SGK3: variants seen among roughly 807,000 people sequenced by gnomAD.
SGK3 encodes serum/glucocorticoid regulated kinase family member 3.
SGK3 carries 47 observed loss-of-function variants against 68.5 expected under a neutral mutation model. The ratio of observed to expected loss-of-function variants is 0.69; its 90% confidence interval spans 0.54 to 0.87. The LOEUF is 0.87. Ranked by LOEUF, SGK3 falls within the 40% of genes least tolerant of loss-of-function variation. SGK3 has a pLI of 0.00. For missense variants in SGK3, 479 were observed against 575.5 expected (o/e 0.83, Z 1.72); for synonymous variants, 181 against 189.1 (o/e 0.96, Z 0.35).
chr8:66,796,168 C>T (rs6472286), intron 2 of SGK3, among the ~76,000 whole-genome samples: 11 of 151,430 alleles, frequency 7.3e-5, no homozygotes, highest in East Asian at 5.8e-4. Context: ...GACAGAATCT[C>T]GCTCTGTCGC....
At chr8:66,826,891 C>T (rs1211060737) in intron 6 of SGK3, among the ~76,000 whole-genome samples, 3 of 151,880 alleles carry the variant, frequency 2.0e-5, no homozygotes, top group Non-Finnish European at 2.9e-5. Flanking sequence ...ATGATCCACT[C>T]GCCTTGGCCT....
At position 66,715,319 on chromosome 8, in the gene SGK3, G is replaced by C. The variant is rs189436467; in HGVS notation, c.-122+2486G>C. Among the ~76,000 whole-genome samples the C allele has an allele frequency of 5.0e-3, 759 of 151,722 alleles. 8 individuals carry two copies. Among genetic ancestry groups the C allele is most frequent in the Non-Finnish European group, 6.2e-3 (420 of 67,944 alleles). On this transcript the variant is annotated intron_variant, in intron 1 of 16. Transcript: ENST00000521198. ...GTTGCCCAGGCTGGAGTGCAATGGC[G>C]CAGCCTAGGCTCACTGCAACCTCCG...
intron 4 of SGK3, among the ~76,000 whole-genome samples, chr8:66,809,197 T>G (rs1483305481): frequency 1.3e-5 from 2 of 152,212 alleles, no homozygotes; most frequent in Non-Finnish European, 2.9e-5. Flanking sequence ...AAAAATATTT[T>G]CTAGCACTCT....
intron 6 of SGK3, among the ~76,000 whole-genome samples, chr8:66,823,388 G>GT (rs200290622): frequency 0.14 from 18,723 of 134,788 alleles, 1,566 homozygotes; most frequent in African/African-American, 0.26. Flanking sequence ...GGGTAGCCTT[G>GT]TTTTTTTTTT....
chr8:66,713,752 T>C (rs1251626475), intron 1 of SGK3, among the ~76,000 whole-genome samples: 1 of 152,196 alleles, frequency 6.6e-6, no homozygotes, highest in African/African-American at 2.4e-5. Context: ...TCTTAACTTA[T>C]CATATTATAG....
intron 1 of SGK3, among the ~76,000 whole-genome samples, chr8:66,773,024 C>T (rs1460987497): frequency 6.6e-6 from 1 of 152,194 alleles, no homozygotes; most frequent in Non-Finnish European, 1.5e-5. Flanking sequence ...TGCATACAGA[C>T]ATCCCTGAGC....
At chr8:66,802,031 C>A (rs1807965061) in intron 3 of SGK3, among the ~76,000 whole-genome samples, 1 of 152,130 alleles carries the variant, frequency 6.6e-6, no homozygotes, top group South Asian at 2.1e-4. Context: ...AGAAGAGTTT[C>A]CTTAACTTGT....
At chr8:66,746,231 G>C (rs180770244) in intron 1 of SGK3, among the ~76,000 whole-genome samples, 124 of 152,270 alleles carry the variant, frequency 8.1e-4, no homozygotes, top group Middle Eastern at 6.8e-3. Flanking sequence ...TCCAACCTCT[G>C]CCTGTTCTCC....
chr8:66,844,527 T>C (rs1364948449), intron 14 of SGK3, among the ~76,000 whole-genome samples: 1 of 152,222 alleles, frequency 6.6e-6, no homozygotes, highest in African/African-American at 2.4e-5. Context: ...GCATTTTAGT[T>C]AGCTCAGATA....
At position 66,847,351 on chromosome 8, in the gene SGK3, A is replaced by G. The variant is rs778680818; in HGVS notation, c.1230+3A>G. ...GACTTGGTGCCAAGGAAGACTTTGT[A>G]TGTAACAGCTTTTCTAGCTCCAGCT... On this transcript the variant is annotated splice_donor_region_variant and intron_variant, in intron 15 of 16. Coordinates refer to ENST00000521198, the MANE Select transcript of SGK3 (RefSeq NM_001033578.3). 6.2e-6 allele frequency: 10 copies of G among 1,610,634 alleles called. No individual in the cohort carries two copies. In the East Asian group the frequency reaches 1.3e-4, roughly 22 times the overall value.
intron 1 of SGK3, among the ~76,000 whole-genome samples, chr8:66,770,463 A>G (rs1477284369): frequency 6.6e-6 from 1 of 152,076 alleles, no homozygotes; most frequent in Non-Finnish European, 1.5e-5. Context: ...CAATCCTTTC[A>G]GATTTTACTT....
At position 66,798,595 on chromosome 8, in the gene SGK3, A is replaced by G; in HGVS notation, c.150A>G (p.Arg50=). 1 of 1,611,322 alleles carries G rather than the reference A, an allele frequency of 6.2e-7. No homozygotes were observed. The highest frequency in any genetic ancestry group is 8.5e-7 in the Non-Finnish European group (1 of 1,178,598). ...GAAGTGAATGGTTTGTCTTCAGGAGATATGCAGAGTTTGATAAACTTTATA... is the reference window on the plus strand; with the variant it reads ...GAAGTGAATGGTTTGTCTTCAGGAGGTATGCAGAGTTTGATAAACTTTATA... ...VGRSEWFVFR[R]YAEFDKLYNT... is the part of the protein sequence containing the mutation. Residue 50 remains arginine (R), a synonymous_variant, in exon 3 of 17, where the codon AGA becomes AGG. Transcript: ENST00000521198.
At chr8:66,827,677 T>C (rs544405874) in intron 6 of SGK3, among the ~76,000 whole-genome samples, 1 of 152,172 alleles carries the variant, frequency 6.6e-6, no homozygotes, top group African/African-American at 2.4e-5. Flanking sequence ...TAATTATTAA[T>C]GAACTAGAAT....
At chr8:66,819,976 T>G (rs766539792) in intron 5 of SGK3, among the ~76,000 whole-genome samples, 11 of 151,832 alleles carry the variant, frequency 7.2e-5, no homozygotes, top group Non-Finnish European at 1.0e-4. Context: ...TGCCACCACA[T>G]CCGGCTAACT....
chr8:66,795,126 G>A lies in SGK3; in HGVS notation c.96+1294G>A, dbSNP rs369374517. 4.2e-3 allele frequency among the ~76,000 whole-genome samples: 643 copies of A among 152,328 alleles called. 6 individuals carry two copies. Among genetic ancestry groups the A allele is most frequent in the African/African-American group, 0.015 (614 of 41,564 alleles). On this transcript the variant is annotated intron_variant, in intron 2 of 16. Transcript: ENST00000521198. ...CCCATGACAGGTGACTTTCAATTCA[G>A]AATCCCTGTCACAGGGCAGTTGAGG...
Position 66,847,243 on chromosome 8 carries a change from C to A in SGK3, c.1125C>A (p.His375Gln). The A allele has an allele frequency of 6.2e-7, 1 of 1,613,580 alleles. No individual in the cohort carries two copies. Among genetic ancestry groups the A allele is most frequent in the Non-Finnish European group, 8.5e-7 (1 of 1,179,854 alleles). The change falls in exon 15 of 17, where the codon CAC (histidine) becomes CAA (glutamine). Residue 375 changes from histidine to glutamine, a missense_variant. By Grantham distance (24) the His-to-Gln change is conservative. This residue lies in a region of SGK3 where 173 missense variants were observed against 214.3 expected (regional missense o/e 0.81). Transcript: ENST00000521198. ...DVAEMYDNIL[H>Q]KPLSLRPGVS... ...CTGAAATGTATGACAATATCCTTCA[C>A]AAACCCCTAAGTTTGAGGCCAGGAG...
intron 6 of SGK3, among the ~76,000 whole-genome samples, chr8:66,826,192 C>T (rs1253417826): frequency 1.3e-5 from 2 of 152,084 alleles, no homozygotes; most frequent in African/African-American, 2.4e-5. Flanking sequence ...AGGCTGGTCT[C>T]GAACTCTTGA....
intron 1 of SGK3, among the ~76,000 whole-genome samples, chr8:66,746,112 C>A (rs1805649067): frequency 6.6e-6 from 1 of 152,124 alleles, no homozygotes. Flanking sequence ...AGAAAAGCAG[C>A]CTCTTATCTC....
chr8:66,716,373 T>C (rs913334882), intron 1 of SGK3, among the ~76,000 whole-genome samples: 4 of 152,108 alleles, frequency 2.6e-5, no homozygotes, highest in Non-Finnish European at 4.4e-5. Flanking sequence ...CCAGTAAAAT[T>C]GTATTGGCTG....
Sources: allele counts gnomAD v4.1 joint callset (sites outside exome capture counted in the v4.1 genomes callset), GRCh38; gene constraint gnomAD v4.1.1; regional missense constraint gnomAD v4.1.1; transcripts MANE v1.5; gene names NCBI Gene and HGNC (gene_info 2026-07-23, HGNC 2026-07-21).